Variants in SNAP25 observed in about 807,000 individuals in gnomAD.
The protein encoded by SNAP25 is synaptosomal-associated protein 25.
In SNAP25, 3 loss-of-function variants were observed where a neutral mutation model predicts 28.7. That is an observed-to-expected ratio of 0.10 (90% CI 0.05 to 0.27). The LOEUF is 0.27. Ranked by LOEUF, SNAP25 falls within the 10% of genes least tolerant of loss-of-function variation. The pLI, the probability that SNAP25 is intolerant of heterozygous loss-of-function variation, is 1.00. For synonymous variants in SNAP25, 61 were observed against 88.1 expected (o/e 0.69, Z 1.72); for missense variants, 117 against 278.7 (o/e 0.42, Z 4.13).
chr20:10,304,350 AGGGTGTCAACCCC>A (rs2064305867), intron 7 of SNAP25, among the ~76,000 whole-genome samples: 1 of 152,218 alleles, frequency 6.6e-6, no homozygotes, highest in African/African-American at 2.4e-5. Context: ...ATGGAGATTT[AGGGTGTCAACCCC>A]CATGCAGCTG....
chr20:10,250,279 G>T (rs1417130837), intron 1 of SNAP25, among the ~76,000 whole-genome samples: 2 of 152,216 alleles, frequency 1.3e-5, no homozygotes, highest in Non-Finnish European at 2.9e-5. Context: ...TGGTCGTCCA[G>T]GGCATTTCTG....
At chr20:10,276,112 T>C (rs570922194) in intron 2 of SNAP25, among the ~76,000 whole-genome samples, 12 of 152,330 alleles carry the variant, frequency 7.9e-5, no homozygotes, top group Middle Eastern at 3.4e-3. Context: ...TGTGTTACCA[T>C]GTGTCTTTCC....
intron 1 of SNAP25, among the ~76,000 whole-genome samples, chr20:10,254,947 T>C (rs2122839544): frequency 6.6e-6 from 1 of 152,112 alleles, no homozygotes; most frequent in Admixed American, 6.5e-5. Flanking sequence ...TAGAAAAGGG[T>C]CTGTGCCTTC....
chr20:10,221,956 A>G (rs1458047247), intron 1 of SNAP25, among the ~76,000 whole-genome samples: 1 of 152,274 alleles, frequency 6.6e-6, no homozygotes, highest in Non-Finnish European at 1.5e-5. Flanking sequence ...ATAATTCACT[A>G]TGAATAAACA....
chr20:10,221,930 A>T (rs943141139), intron 1 of SNAP25, among the ~76,000 whole-genome samples: 1 of 152,270 alleles, frequency 6.6e-6, no homozygotes, highest in African/African-American at 2.4e-5. Context: ...AGAAAAATAG[A>T]AAATATGCTT....
chr20:10,274,259 A>T (rs1161905184), intron 1 of SNAP25, among the ~76,000 whole-genome samples: 1 of 151,940 alleles, frequency 6.6e-6, no homozygotes, highest in Non-Finnish European at 1.5e-5. Flanking sequence ...AGGACCAAGG[A>T]CCCACCCTCT....
Position 10,280,474 on chromosome 20 carries a change from G to A in SNAP25, c.114+2748G>A, listed in dbSNP as rs571962659. ...GGGATAGGAAGGGAGATGTAAATTGGTATCTTGCTGGGAAACAGATATGTA... is the reference window on the plus strand; with the variant it reads ...GGGATAGGAAGGGAGATGTAAATTGATATCTTGCTGGGAAACAGATATGTA... On this transcript the variant is annotated intron_variant, in intron 3 of 7. Transcript: ENST00000254976. Among the ~76,000 whole-genome samples, 4 of 152,286 alleles carry A rather than the reference G, an allele frequency of 2.6e-5. No individual in the cohort carries two copies. The South Asian group carries it at 8.3e-4, about 32-fold the overall frequency.
chr20:10,268,501 G>A (rs1837693263), intron 1 of SNAP25, among the ~76,000 whole-genome samples: 1 of 152,028 alleles, frequency 6.6e-6, no homozygotes, highest in Non-Finnish European at 1.5e-5. Flanking sequence ...CTGTCCTTTG[G>A]CACTTGGACT....
At chr20:10,219,056 G>T (rs1418969332) in intron 1 of SNAP25, 79 bp downstream of exon 1, 1 of 152,222 alleles carries the variant, frequency 6.6e-6, no homozygotes, top group Non-Finnish European at 1.5e-5. Context: ...TGGGCAGTCC[G>T]AGTGGGCTTG....
intron 7 of SNAP25, among the ~76,000 whole-genome samples, chr20:10,304,639 A>C (rs1344271697): frequency 6.6e-6 from 1 of 152,252 alleles, no homozygotes; most frequent in African/African-American, 2.4e-5. Flanking sequence ...TCTTCAGTAC[A>C]CATTAAGCAA....
At chr20:10,226,387 G>T (rs1286589981) in intron 1 of SNAP25, among the ~76,000 whole-genome samples, 1 of 152,060 alleles carries the variant, frequency 6.6e-6, no homozygotes, top group Non-Finnish European at 1.5e-5. Context: ...CCCATGTATT[G>T]CTTCATCATA....
intron 3 of SNAP25, among the ~76,000 whole-genome samples, chr20:10,282,005 A>T (rs1446579854): frequency 6.6e-6 from 1 of 152,016 alleles, no homozygotes; most frequent in Admixed American, 6.6e-5. Flanking sequence ...AGAAGTAATG[A>T]CTCCCAGATC....
intron 1 of SNAP25, among the ~76,000 whole-genome samples, chr20:10,259,530 T>TTTTTTA (rs997753723): frequency 3.3e-5 from 5 of 149,712 alleles, no homozygotes; most frequent in Admixed American, 1.4e-4. Context: ...AATCAGGACT[T>TTTTTTA]TTTTTATTTT....
chr20:10,301,691 TC>T (rs1047154221), intron 7 of SNAP25, among the ~76,000 whole-genome samples: 2 of 152,014 alleles, frequency 1.3e-5, no homozygotes, highest in Non-Finnish European at 2.9e-5. Flanking sequence ...TCAATCATGA[TC>T]TTTTCTCATC....
At position 10,300,587 on chromosome 20, in the gene SNAP25, ATAG is replaced by A. The variant is rs534011263; in HGVS notation, c.552+1180_552+1182del. ...AAGATTTTTAGAATCATAAATCTAA[ATAG>A]TAGTTTCTTGGTATGCAAGCAACCT... On this transcript the variant is annotated intron_variant, in intron 7 of 7. Coordinates refer to ENST00000254976, the MANE Select transcript of SNAP25 (RefSeq NM_130811.4). 1.5e-3 allele frequency among the ~76,000 whole-genome samples: 228 copies of A among 152,324 alleles called. 1 individual carries two copies. The highest frequency in any genetic ancestry group is 5.0e-3 in the African/African-American group (209 of 41,570).
At chr20:10,266,426 A>T (rs1175431830) in intron 1 of SNAP25, among the ~76,000 whole-genome samples, 3 of 152,190 alleles carry the variant, frequency 2.0e-5, no homozygotes, top group Admixed American at 6.5e-5. Flanking sequence ...AAATCCAAGT[A>T]CTGGCTCTTT....
intron 1 of SNAP25, among the ~76,000 whole-genome samples, chr20:10,249,058 A>C (rs2063179230): frequency 6.6e-6 from 1 of 152,210 alleles, no homozygotes; most frequent in Non-Finnish European, 1.5e-5. Context: ...TCTATGTTAT[A>C]TCCATTTTCC....
At chr20:10,226,397 A>G (rs553570276) in intron 1 of SNAP25, among the ~76,000 whole-genome samples, 2 of 152,184 alleles carry the variant, frequency 1.3e-5, no homozygotes, top group Non-Finnish European at 2.9e-5. Context: ...GCTTCATCAT[A>G]AATCAGCTGC....
At chr20:10,274,094 C>A (rs1356497771) in intron 1 of SNAP25, among the ~76,000 whole-genome samples, 1 of 152,070 alleles carries the variant, frequency 6.6e-6, no homozygotes, top group Non-Finnish European at 1.5e-5. Flanking sequence ...ATCCCTAGTG[C>A]CTAACACTGC....
Sources: allele counts gnomAD v4.1 joint callset (sites outside exome capture counted in the v4.1 genomes callset), GRCh38; gene constraint gnomAD v4.1.1; transcripts MANE v1.5; gene names NCBI Gene and HGNC (gene_info 2026-07-23, HGNC 2026-07-21).